Variants in THSD7B observed in about 807,000 individuals in gnomAD.
THSD7B encodes the protein thrombospondin type-1 domain-containing protein 7B.
In THSD7B, 138 loss-of-function variants were observed where a neutral mutation model predicts 213.6. That is an observed-to-expected ratio of 0.65 (90% confidence interval 0.56 to 0.74). The LOEUF (loss-of-function observed/expected upper bound fraction) is 0.74. Ranked by LOEUF, THSD7B falls within the 30% of genes least tolerant of loss-of-function variation. The pLI, the probability that THSD7B is intolerant of heterozygous loss-of-function variation, is 0.00. For synonymous variants in THSD7B, 742 were observed against 687.0 expected (o/e 1.08, Z -1.25); for missense variants, 1,931 against 1,991.5 (o/e 0.97, Z 0.58).
intron 10 of THSD7B, among the ~76,000 whole-genome samples, chr2:137,244,632 G>T (rs886362955): frequency 6.6e-6 from 1 of 151,948 alleles, no homozygotes; most frequent in Non-Finnish European, 1.5e-5. Flanking sequence ...TAAATCATTG[G>T]CATTGTAATG....
chr2:137,673,705 G>T (rs1051089927), intron 27 of THSD7B, among the ~76,000 whole-genome samples: 1 of 152,178 alleles, frequency 6.6e-6, no homozygotes, highest in African/African-American at 2.4e-5. Context: ...CTCCTCCTGA[G>T]GTTCTTTTTT....
chr2:137,276,584 A>G (rs949309264), intron 12 of THSD7B, among the ~76,000 whole-genome samples: 3 of 152,108 alleles, frequency 2.0e-5, no homozygotes, highest in African/African-American at 7.2e-5. Flanking sequence ...ACTGCTTTTT[A>G]TCATCAATGT....
chr2:137,538,471 A>G, intron 15 of THSD7B: 1 of 517,602 alleles, frequency 1.9e-6, no homozygotes, highest in Non-Finnish European at 3.9e-6. Flanking sequence ...TGCACTGCTA[A>G]CATGGACTTC....
At chr2:136,977,945 GTATGCCACCATGCCTAGCTAATTT>G (rs1454049114) in intron 2 of THSD7B, among the ~76,000 whole-genome samples, 1 of 151,874 alleles carries the variant, frequency 6.6e-6, no homozygotes, top group Non-Finnish European at 1.5e-5. Flanking sequence ...GATGACAGGT[GTATGCCACCATGCCTAGCTAATTT>G]TTGTATTTTT....
chr2:136,924,027 C>G (rs953580061), intron 2 of THSD7B, among the ~76,000 whole-genome samples: 7 of 152,194 alleles, frequency 4.6e-5, no homozygotes, highest in African/African-American at 1.7e-4. Flanking sequence ...AAATCATTGC[C>G]AAATCCAGTG....
intron 12 of THSD7B, among the ~76,000 whole-genome samples, chr2:137,327,421 A>G (rs1398163965): frequency 3.3e-5 from 5 of 152,172 alleles, no homozygotes; most frequent in Non-Finnish European, 7.4e-5. Flanking sequence ...ATTGTTTTAT[A>G]TGATCAATTA....
At chr2:136,920,958 C>G (rs1451617136) in intron 2 of THSD7B, among the ~76,000 whole-genome samples, 3 of 152,126 alleles carry the variant, frequency 2.0e-5, no homozygotes, top group African/African-American at 4.8e-5. Context: ...GGGAGCAGGC[C>G]CTTTGAAGCC....
At chr2:137,623,132 G>A (rs914031936) in intron 20 of THSD7B, among the ~76,000 whole-genome samples, 5 of 152,106 alleles carry the variant, frequency 3.3e-5, no homozygotes, top group Non-Finnish European at 5.9e-5. Flanking sequence ...TACCTACCAC[G>A]ATCAAGTGGA....
intron 4 of THSD7B, among the ~76,000 whole-genome samples, chr2:137,113,297 T>G (rs2104936758): frequency 6.6e-6 from 1 of 152,324 alleles, no homozygotes; most frequent in Non-Finnish European, 1.5e-5. Context: ...GGGTAAGGAC[T>G]GACTCTGTGA....
At chr2:136,968,522 T>C (rs1289634778) in intron 2 of THSD7B, among the ~76,000 whole-genome samples, 1 of 152,122 alleles carries the variant, frequency 6.6e-6, no homozygotes, top group Non-Finnish European at 1.5e-5. Flanking sequence ...ACTGCTGCAC[T>C]GGTTATATAT....
chr2:137,049,181 G>A (rs1687018673), intron 2 of THSD7B, among the ~76,000 whole-genome samples: 1 of 152,226 alleles, frequency 6.6e-6, no homozygotes, highest in African/African-American at 2.4e-5. Flanking sequence ...GCTCGAACCA[G>A]GGCATTGAGC....
At chr2:136,801,318 T>A (rs893041996) in intron 1 of THSD7B, among the ~76,000 whole-genome samples, 13 of 152,168 alleles carry the variant, frequency 8.5e-5, no homozygotes, top group African/African-American at 2.9e-4. Flanking sequence ...GTAGACTTTA[T>A]CTAGAATCAT....
At chr2:136,834,369 C>T (rs988310607) in intron 1 of THSD7B, among the ~76,000 whole-genome samples, 7 of 152,160 alleles carry the variant, frequency 4.6e-5, no homozygotes, top group Non-Finnish European at 8.8e-5. Flanking sequence ...TGCTGACAGA[C>T]GTTGCTGTAA....
At chr2:137,324,113 A>C (rs1684317373) in intron 12 of THSD7B, among the ~76,000 whole-genome samples, 1 of 152,176 alleles carries the variant, frequency 6.6e-6, no homozygotes, top group African/African-American at 2.4e-5. Context: ...AAAAGTCACT[A>C]CAGGTCAACT....
intron 17 of THSD7B, among the ~76,000 whole-genome samples, chr2:137,590,021 T>A (rs1394996762): frequency 8.8e-6 from 1 of 113,390 alleles, no homozygotes; most frequent in Non-Finnish European, 1.8e-5. Flanking sequence ...GACTTTTAAG[T>A]TCATTTTTTT....
At chr2:137,078,903 G>A (rs1687686343) in intron 3 of THSD7B, among the ~76,000 whole-genome samples, 1 of 152,048 alleles carries the variant, frequency 6.6e-6, no homozygotes, top group South Asian at 2.1e-4. Context: ...AGATAGAAAG[G>A]CCATATTTTG....
At chr2:137,645,892 T>C (rs1419186113) in intron 21 of THSD7B, among the ~76,000 whole-genome samples, 1 of 152,156 alleles carries the variant, frequency 6.6e-6, no homozygotes, top group African/African-American at 2.4e-5. Context: ...CTCCCTTCCC[T>C]GGAGTAATTT....
At chr2:136,892,116 G>A (rs1683871354) in intron 2 of THSD7B, among the ~76,000 whole-genome samples, 1 of 152,158 alleles carries the variant, frequency 6.6e-6, no homozygotes, top group Non-Finnish European at 1.5e-5. Context: ...AAGGCTCTCA[G>A]AGTAAGCTTC....
intron 9 of THSD7B, among the ~76,000 whole-genome samples, chr2:137,239,902 G>A (rs921200613): frequency 2.6e-5 from 4 of 152,204 alleles, no homozygotes; most frequent in Admixed American, 2.0e-4. Flanking sequence ...CCCTCTTGCT[G>A]GTTTGCAGAT....
Sources: allele counts gnomAD v4.1 joint callset (sites outside exome capture counted in the v4.1 genomes callset), GRCh38; gene constraint gnomAD v4.1.1; transcripts MANE v1.5; gene names NCBI Gene and HGNC (gene_info 2026-07-23, HGNC 2026-07-21).